VPS13B: variants seen among roughly 807,000 people sequenced by gnomAD.
VPS13B encodes the protein vacuolar protein sorting 13 homolog B.
VPS13B carries 285 observed loss-of-function variants against 426.4 expected under a neutral mutation model. The observed-to-expected ratio is 0.67, with a 90% CI of 0.61 to 0.74. The LOEUF is 0.74. Among genes scored for constraint, VPS13B ranks in the 30% least tolerant of loss-of-function variants. The pLI is 0.00. For synonymous variants in VPS13B, 1,676 were observed against 1,676.4 expected, an observed-to-expected ratio of 1.00 and a Z score of 0.01; for missense variants, 4,537 against 4,782.6, an observed-to-expected ratio of 0.95 and a Z score of 1.51.
At chr8:99,344,773 A>G (rs1343945469) in intron 19 of VPS13B, among the ~76,000 whole-genome samples, 1 of 151,282 alleles carries the variant, frequency 6.6e-6, no homozygotes, top group East Asian at 1.9e-4. Context: ...TTTATATTGC[A>G]GATTCTAATT....
chr8:99,276,680 G>A (rs1481182292), intron 19 of VPS13B, among the ~76,000 whole-genome samples: 1 of 152,068 alleles, frequency 6.6e-6, no homozygotes, highest in Non-Finnish European at 1.5e-5. Context: ...ATAAGAAGAA[G>A]GAATTGGTGG....
chr8:99,495,219 A>G (rs567048909), intron 25 of VPS13B, among the ~76,000 whole-genome samples: 195 of 152,322 alleles, frequency 1.3e-3, no homozygotes, highest in African/African-American at 4.3e-3. Context: ...ACTAACTCAC[A>G]TTATGATTAA....
intron 40 of VPS13B, among the ~76,000 whole-genome samples, chr8:99,775,426 G>A (rs1588701476): frequency 6.6e-6 from 1 of 152,106 alleles, no homozygotes; most frequent in East Asian, 1.9e-4. Flanking sequence ...CATTGATTCG[G>A]TGATCCACAA....
intron 17 of VPS13B, among the ~76,000 whole-genome samples, chr8:99,261,068 T>C (rs1281248484): frequency 5.3e-5 from 8 of 152,050 alleles, no homozygotes; most frequent in African/African-American, 1.9e-4. Flanking sequence ...CTATTATCAA[T>C]ATCAATATCC....
intron 19 of VPS13B, among the ~76,000 whole-genome samples, chr8:99,357,843 T>C (rs1039315904): frequency 6.6e-6 from 1 of 152,228 alleles, no homozygotes; most frequent in African/African-American, 2.4e-5. Flanking sequence ...CTAACAATCT[T>C]CATCAACATT....
At chr8:99,070,760 G>A (rs982342029) in intron 3 of VPS13B, among the ~76,000 whole-genome samples, 3 of 151,772 alleles carry the variant, frequency 2.0e-5, no homozygotes, top group Non-Finnish European at 4.4e-5. Flanking sequence ...AGATCTTGTG[G>A]CTGTGCTTCA....
At chr8:99,482,243 A>G (rs575673506) in intron 25 of VPS13B, among the ~76,000 whole-genome samples, 23 of 152,164 alleles carry the variant, frequency 1.5e-4, no homozygotes, top group Non-Finnish European at 3.1e-4. Context: ...TCTTCCTCCC[A>G]ATTATAAAAG....
intron 58 of VPS13B, 183 bp from the exon 59 acceptor site, chr8:99,868,106 C>T (rs114162833): frequency 9.3e-4 from 636 of 682,776 alleles, no homozygotes; most frequent in African/African-American, 7.6e-3. Context: ...ATTTTGATGA[C>T]GATAATAAAT....
intron 21 of VPS13B, among the ~76,000 whole-genome samples, chr8:99,424,954 A>G (rs1417941216): frequency 6.6e-6 from 1 of 152,236 alleles, no homozygotes; most frequent in African/African-American, 2.4e-5. Context: ...CAAATAAACT[A>G]GAAAATCTAG....
intron 19 of VPS13B, among the ~76,000 whole-genome samples, chr8:99,276,454 C>G (rs1181694765): frequency 6.6e-6 from 1 of 152,060 alleles, no homozygotes; most frequent in Non-Finnish European, 1.5e-5. Flanking sequence ...TCTTTTAAGA[C>G]AGGGATTGGT....
intron 39 of VPS13B, among the ~76,000 whole-genome samples, chr8:99,749,142 T>A (rs1264646229): frequency 6.6e-6 from 1 of 152,064 alleles, no homozygotes; most frequent in African/African-American, 2.4e-5. Context: ...ATGAGGTAAA[T>A]GAGATATTTT....
chr8:99,749,750 T>C (rs1307301732), intron 39 of VPS13B, among the ~76,000 whole-genome samples: 2 of 152,126 alleles, frequency 1.3e-5, no homozygotes, highest in African/African-American at 4.8e-5. Context: ...CTTTTTGTTA[T>C]ATACCTAGCA....
chr8:99,324,976 CT>C (rs1192481573), intron 19 of VPS13B, among the ~76,000 whole-genome samples: 1 of 152,114 alleles, frequency 6.6e-6, no homozygotes, highest in Non-Finnish European at 1.5e-5. Context: ...TCTGAAAACA[CT>C]TTTCTTAATC....
intron 35 of VPS13B, among the ~76,000 whole-genome samples, chr8:99,663,539 A>G (rs1279560910): frequency 1.3e-5 from 2 of 152,198 alleles, no homozygotes; most frequent in Admixed American, 6.5e-5. Flanking sequence ...AGCCACTAGC[A>G]ATTGTAAAAA....
chr8:99,204,450 C>A (rs980204083), intron 17 of VPS13B, among the ~76,000 whole-genome samples: 2 of 152,160 alleles, frequency 1.3e-5, no homozygotes, highest in African/African-American at 4.8e-5. Flanking sequence ...TAGGCACAGG[C>A]AAAGACTTTG....
intron 21 of VPS13B, among the ~76,000 whole-genome samples, chr8:99,429,122 G>A (rs1389647135): frequency 3.3e-5 from 5 of 152,064 alleles, no homozygotes; most frequent in African/African-American, 4.8e-5. Context: ...ACACACCGGG[G>A]CCTGTTGTGG....
chr8:99,286,032 T>C (rs1387824227), intron 19 of VPS13B, among the ~76,000 whole-genome samples: 1 of 152,054 alleles, frequency 6.6e-6, no homozygotes, highest in African/African-American at 2.4e-5. Flanking sequence ...ATCCCTTTCC[T>C]CTCCCCTCCC....
At chr8:99,670,713 A>G (rs1830679446) in intron 35 of VPS13B, among the ~76,000 whole-genome samples, 1 of 152,052 alleles carries the variant, frequency 6.6e-6, no homozygotes, top group Non-Finnish European at 1.5e-5. Flanking sequence ...TACGTTCCAT[A>G]TATAAGTGAA....
intron 34 of VPS13B, among the ~76,000 whole-genome samples, chr8:99,649,867 A>T (rs1829737663): frequency 6.6e-6 from 1 of 152,174 alleles, no homozygotes; most frequent in Non-Finnish European, 1.5e-5. Context: ...CTTATAAAAG[A>T]AGACACAAAA....
Sources: allele counts gnomAD v4.1 joint callset (sites outside exome capture counted in the v4.1 genomes callset), GRCh38; gene constraint gnomAD v4.1.1; transcripts MANE v1.5; gene names NCBI Gene and HGNC (gene_info 2026-07-23, HGNC 2026-07-21).